Variants in RBMS3 observed in about 807,000 individuals in gnomAD.
RBMS3 encodes RNA binding motif single stranded interacting protein 3, also known as RNA-binding motif, single-stranded-interacting protein 3.
In RBMS3, 27 loss-of-function variants were observed where a neutral mutation model predicts 66.8. The ratio of observed to expected loss-of-function variants is 0.40; its 90% CI spans 0.30 to 0.56. The LOEUF is 0.56. RBMS3 is among the 20% of genes least tolerant of loss of function. The probability of loss-of-function intolerance (pLI) is 0.40; values close to 1 mark genes in which losing one functional copy is unlikely to be tolerated. For synonymous variants in RBMS3, 188 were observed against 183.0 expected, an observed-to-expected ratio of 1.03 and a Z score of -0.22; for missense variants, 513 against 549.5, an observed-to-expected ratio of 0.93 and a Z score of 0.66.
chr3:29,879,738 G>A (rs2149571510), intron 7 of RBMS3, among the ~76,000 whole-genome samples: 1 of 151,814 alleles, frequency 6.6e-6, no homozygotes, highest in Non-Finnish European at 1.5e-5. Context: ...TATAAATTTT[G>A]CTGCCCCCAA....
At chr3:29,810,730 A>G (rs1236257236) in intron 6 of RBMS3, among the ~76,000 whole-genome samples, 1 of 152,212 alleles carries the variant, frequency 6.6e-6, no homozygotes. Context: ...CAAATACCAT[A>G]GTAATAATTA....
At chr3:29,566,457 G>T (rs890774881) in intron 3 of RBMS3, among the ~76,000 whole-genome samples, 1 of 152,024 alleles carries the variant, frequency 6.6e-6, no homozygotes, top group African/African-American at 2.4e-5. Flanking sequence ...AGGTGATGTT[G>T]CCTGTCCTGC....
At chr3:29,455,329 G>A (rs1279068572) in intron 2 of RBMS3, among the ~76,000 whole-genome samples, 3 of 152,150 alleles carry the variant, frequency 2.0e-5, no homozygotes, top group East Asian at 1.9e-4. Context: ...AAATTGTATA[G>A]TAAATAAAAA....
intron 6 of RBMS3, among the ~76,000 whole-genome samples, chr3:29,798,778 A>G (rs1010668332): frequency 2.0e-5 from 3 of 152,188 alleles, no homozygotes; most frequent in Non-Finnish European, 4.4e-5. Context: ...TAATAACCAC[A>G]TCTGTCAAAT....
chr3:29,504,345 T>G (rs1380522547), intron 3 of RBMS3, among the ~76,000 whole-genome samples: 2 of 152,156 alleles, frequency 1.3e-5, no homozygotes, highest in Non-Finnish European at 2.9e-5. Flanking sequence ...CCACAAAACA[T>G]GAACCCAAAT....
At chr3:29,823,540 C>A (rs1256600427) in intron 6 of RBMS3, among the ~76,000 whole-genome samples, 1 of 152,136 alleles carries the variant, frequency 6.6e-6, no homozygotes, top group African/African-American at 2.4e-5. Flanking sequence ...TAGCATAGTG[C>A]AATAGAACTT....
chr3:29,981,568 G>C (rs924903674), intron 12 of RBMS3, among the ~76,000 whole-genome samples: 1 of 152,120 alleles, frequency 6.6e-6, no homozygotes. Flanking sequence ...GTGTAGGTTT[G>C]TCATAAATAG....
chr3:29,757,391 T>C (rs1243522926), intron 5 of RBMS3, among the ~76,000 whole-genome samples: 1 of 152,222 alleles, frequency 6.6e-6, no homozygotes, highest in Non-Finnish European at 1.5e-5. Context: ...AAGTTTCAAA[T>C]GTTGACAACC....
intron 4 of RBMS3, among the ~76,000 whole-genome samples, chr3:29,659,105 C>T (rs1209323819): frequency 6.6e-6 from 1 of 152,242 alleles, no homozygotes; most frequent in Non-Finnish European, 1.5e-5. Context: ...GCATGAGCCA[C>T]AGCGCCCAGC....
At chr3:29,801,520 G>A (rs1316309308) in intron 6 of RBMS3, among the ~76,000 whole-genome samples, 5 of 149,642 alleles carry the variant, frequency 3.3e-5, no homozygotes, top group African/African-American at 7.4e-5. Flanking sequence ...TGCCCGCCTC[G>A]GCCTCCCAAA....
intron 4 of RBMS3, among the ~76,000 whole-genome samples, chr3:29,658,467 A>C (rs919556859): frequency 2.6e-5 from 4 of 152,218 alleles, no homozygotes; most frequent in African/African-American, 9.6e-5. Flanking sequence ...ATATCAATGA[A>C]TTAAACTTCA....
chr3:29,591,502 G>GT (rs1251740971), intron 4 of RBMS3, among the ~76,000 whole-genome samples: 2 of 152,206 alleles, frequency 1.3e-5, no homozygotes, highest in Non-Finnish European at 2.9e-5. Flanking sequence ...GAATTCTTGA[G>GT]TTGTCAGTGC....
At chr3:29,347,594 TAGTC>T (rs1424320367) in intron 1 of RBMS3, among the ~76,000 whole-genome samples, 9 of 152,060 alleles carry the variant, frequency 5.9e-5, no homozygotes, top group African/African-American at 2.2e-4. Context: ...TCACAGGAAA[TAGTC>T]AATTATGTGG....
chr3:29,921,352 G>A lies in RBMS3; in HGVS notation c.940-14734G>A, dbSNP rs115364139. On this transcript the variant is annotated intron_variant, in intron 10 of 14. Transcript: ENST00000383767. ...CTGCTGGGATTACAGACATCGAGCC[G>A]CAGCACCTGGTTTAGTTTTTTTTAA... Among the ~76,000 whole-genome samples the A allele has an allele frequency of 1.9e-3, 294 of 151,794 alleles. 1 individual carries two copies. Among genetic ancestry groups the A allele is most frequent in the African/African-American group, 6.3e-3 (261 of 41,404 alleles).
intron 6 of RBMS3, among the ~76,000 whole-genome samples, chr3:29,806,613 A>G (rs567909760): frequency 5.3e-5 from 8 of 152,058 alleles, no homozygotes; most frequent in African/African-American, 1.9e-4. Flanking sequence ...AATTTTATGT[A>G]GCAAAGAAAA....
At chr3:29,789,745 TTTTA>T (rs1393310795) in intron 6 of RBMS3, among the ~76,000 whole-genome samples, 1 of 151,968 alleles carries the variant, frequency 6.6e-6, no homozygotes, top group Non-Finnish European at 1.5e-5. Context: ...AAAATTTATA[TTTTA>T]CCTGCCCCCT....
intron 2 of RBMS3, among the ~76,000 whole-genome samples, chr3:29,485,364 C>A (rs1020054415): frequency 1.8e-4 from 26 of 148,244 alleles, no homozygotes; most frequent in African/African-American, 6.5e-4. Flanking sequence ...AGACTAGCTA[C>A]TCTTTTAAAG....
At chr3:29,784,035 C>T (rs896137450) in intron 6 of RBMS3, among the ~76,000 whole-genome samples, 1 of 151,874 alleles carries the variant, frequency 6.6e-6, no homozygotes, top group Admixed American at 6.6e-5. Context: ...ACTAAAGCTC[C>T]CAAATTTATA....
intron 1 of RBMS3, among the ~76,000 whole-genome samples, chr3:29,363,674 C>T (rs1257182401): frequency 6.6e-6 from 1 of 151,910 alleles, no homozygotes; most frequent in Non-Finnish European, 1.5e-5. Flanking sequence ...CTTGTAGTCC[C>T]AGCTACTCAG....
Sources: gnomAD v4.1 joint callset for allele counts (sites outside exome capture counted in the v4.1 genomes callset) on GRCh38, gnomAD v4.1.1 for gene constraint, MANE v1.5 for transcripts, NCBI Gene and HGNC (gene_info 2026-07-23, HGNC 2026-07-21) for gene names.